Variants in ELMOD2 observed in about 807,000 individuals in gnomAD.
The protein encoded by ELMOD2 is ELMO domain-containing protein 2.
A neutral mutation model predicts 41.0 loss-of-function variants in ELMOD2; 28 were observed. The observed-to-expected ratio is 0.68, with a 90% CI of 0.51 to 0.94. The LOEUF (loss-of-function observed/expected upper bound fraction) is 0.94. ELMOD2 is among the 40% of genes least tolerant of loss of function. The pLI, the probability that ELMOD2 is intolerant of heterozygous loss-of-function variation, is 0.00. For missense variants in ELMOD2, 333 were observed against 343.1 expected (o/e 0.97, Z 0.23); for synonymous variants, 106 against 107.2 (o/e 0.99, Z 0.07).
chr4:140,549,261 G>A (rs992708632), intron 8 of ELMOD2, among the ~76,000 whole-genome samples: 2 of 151,776 alleles, frequency 1.3e-5, no homozygotes, highest in Non-Finnish European at 2.9e-5. Flanking sequence ...TTTTATTGCT[G>A]AACAATATTC....
At chr4:140,549,081 A>G (rs1269727550) in intron 8 of ELMOD2, among the ~76,000 whole-genome samples, 6 of 151,858 alleles carry the variant, frequency 4.0e-5, no homozygotes, top group Non-Finnish European at 8.8e-5. Context: ...AGGAACCACA[A>G]TTTTTTTGTC....
intron 6 of ELMOD2, among the ~76,000 whole-genome samples, chr4:140,541,695 C>T (rs1735110706): frequency 6.6e-6 from 1 of 152,016 alleles, no homozygotes; most frequent in South Asian, 2.1e-4. Flanking sequence ...TAAGATGGTT[C>T]CTGGATTCCC....
intron 8 of ELMOD2, among the ~76,000 whole-genome samples, chr4:140,547,579 A>G (rs1578777066): frequency 6.6e-6 from 1 of 152,212 alleles, no homozygotes; most frequent in South Asian, 2.1e-4. Flanking sequence ...TTATGTCTCA[A>G]TAACAACTTT....
At chr4:140,526,157 A>AAT (rs1734556055) in intron 2 of ELMOD2, among the ~76,000 whole-genome samples, 3 of 152,210 alleles carry the variant, frequency 2.0e-5, no homozygotes. Context: ...AGAAAATGTA[A>AAT]AAAGTCCCAG....
At chr4:140,526,055 T>C (rs1734552961) in intron 2 of ELMOD2, among the ~76,000 whole-genome samples, 1 of 152,224 alleles carries the variant, frequency 6.6e-6, no homozygotes, top group South Asian at 2.1e-4. Flanking sequence ...CCATAGCCAA[T>C]AGCCACATTA....
At chr4:140,548,333 T>G (rs1409158894) in intron 8 of ELMOD2, among the ~76,000 whole-genome samples, 2 of 152,074 alleles carry the variant, frequency 1.3e-5, no homozygotes. Flanking sequence ...TCCCTAACAG[T>G]GTATGGGGGA....
intron 3 of ELMOD2, among the ~76,000 whole-genome samples, chr4:140,530,991 A>C (rs1356820689): frequency 6.6e-6 from 1 of 152,168 alleles, no homozygotes; most frequent in African/African-American, 2.4e-5. Flanking sequence ...GAAATTAGAG[A>C]TATTACTATG....
At chr4:140,539,206 A>G (rs1735029603) in intron 5 of ELMOD2, among the ~76,000 whole-genome samples, 1 of 152,202 alleles carries the variant, frequency 6.6e-6, no homozygotes, top group Non-Finnish European at 1.5e-5. Context: ...AAAAAATGAA[A>G]GTATTTCTGT....
chr4:140,525,348 T>A, intron 1 of ELMOD2, 72 bp from the exon 2 acceptor site: 1 of 1,418,974 alleles, frequency 7.0e-7, no homozygotes, highest in South Asian at 1.4e-5. Context: ...TTTGATCAGT[T>A]GTATAAACTT....
intron 6 of ELMOD2, 154 bp from the exon 7 acceptor site, chr4:140,542,420 C>T (rs1219893857): frequency 5.5e-6 from 3 of 540,978 alleles, no homozygotes; most frequent in Middle Eastern, 4.9e-4. Flanking sequence ...GATTCAGAAG[C>T]ATTTGTGAAT....
intron 3 of ELMOD2, among the ~76,000 whole-genome samples, chr4:140,533,746 T>C (rs1355889537): frequency 6.6e-6 from 1 of 152,142 alleles, no homozygotes; most frequent in Non-Finnish European, 1.5e-5. Context: ...TAAATAACTT[T>C]TATAACTCAG....
Position 140,543,516 on chromosome 4 carries a change from A to G in ELMOD2, c.666A>G (p.Glu222=). 6.2e-7 allele frequency: 1 copy of G among 1,606,936 alleles called. No individual in the cohort carries two copies. Among genetic ancestry groups the G allele is most frequent in the Non-Finnish European group, 8.5e-7 (1 of 1,177,964 alleles). ...TEMAYSLLKS[E]ALKFHLYNLV... is the part of the protein sequence containing the mutation. Reference sequence around the variant, plus strand: ...TGGCTTATAGCTTACTGAAGAGTGAAGCTTTGAAGTTTCATCTCTATAACC... The same window carrying G: ...TGGCTTATAGCTTACTGAAGAGTGAGGCTTTGAAGTTTCATCTCTATAACC... The change falls in exon 8 of 9, where the codon GAA becomes GAG. Residue 222 remains glutamate, a synonymous_variant. Transcript: ENST00000323570.
intron 5 of ELMOD2, 93 bp from the exon 6 acceptor site, chr4:140,540,075 G>T: frequency 7.0e-7 from 1 of 1,427,716 alleles, no homozygotes. Flanking sequence ...CTTAACCTAT[G>T]GTTTTTCTAC....
chr4:140,542,325 A>T, intron 6 of ELMOD2: 1 of 257,764 alleles, frequency 3.9e-6, no homozygotes, highest in Non-Finnish European at 7.2e-6. Flanking sequence ...GTCTCTTTTT[A>T]TATTATCTAT....
Position 140,550,432 on chromosome 4 carries a change from T to C in ELMOD2, c.*57T>C. On this transcript the variant is annotated 3_prime_UTR_variant, in exon 9 of 9. Transcript: ENST00000323570. ...TTTTGCACATTCAACAGAATTTATA[T>C]GTTGTAATAGGAATTATCTGATCAA... is the stretch of plus-strand genomic sequence containing the variant. 1 of 1,489,284 alleles carries C rather than the reference T, an allele frequency of 6.7e-7. No homozygotes were observed. The highest frequency in any genetic ancestry group is 9.1e-7 in the Non-Finnish European group (1 of 1,103,266). 92.3% of individuals were successfully genotyped at this position (1,489,284 alleles called of 1,614,324 possible).
intron 3 of ELMOD2, among the ~76,000 whole-genome samples, chr4:140,532,881 A>G (rs1378254998): frequency 6.6e-6 from 1 of 152,248 alleles, no homozygotes; most frequent in Non-Finnish European, 1.5e-5. Context: ...GAAATCTACA[A>G]AAACTACTGG....
rs753554163 is a variant in ELMOD2 at position 140,550,248 on chromosome 4, T to C, written c.755T>C (p.Phe252Ser). Residue 252 changes from phenylalanine to serine, a missense_variant, in exon 9 of 9, where the codon TTT (phenylalanine) becomes TCT (serine). Physicochemically the swap from Phe to Ser is radical, Grantham distance 155. Coordinates refer to ENST00000323570, the MANE Select transcript of ELMOD2 (RefSeq NM_153702.4). ...HQFYCYLVYE[F>S]DKFWFEEEPE... Reference sequence around the variant, plus strand: ...ACTGCAGGTTATCTTGTCTATGAATTTGACAAGTTTTGGTTTGAAGAAGAA... The same window carrying C: ...ACTGCAGGTTATCTTGTCTATGAATCTGACAAGTTTTGGTTTGAAGAAGAA... The C allele has an allele frequency of 3.7e-6, 6 of 1,609,958 alleles. No individual in the cohort carries two copies. The highest frequency in any genetic ancestry group is 1.1e-5 in the South Asian group (1 of 90,402).
In ELMOD2 at chr4:140,549,359, G is replaced by A. The variant is rs5862482; in HGVS notation, c.737-871G>A. The stretch of plus-strand genomic sequence containing the variant: ...AATTCACATTTAAGTTTACATATAT[G>A]TGTGTGTGTGTGTGTGTGTATAAAC... On this transcript the variant is annotated intron_variant, in intron 8 of 8. Coordinates refer to ENST00000323570, the MANE Select transcript of ELMOD2 (RefSeq NM_153702.4). Among the ~76,000 whole-genome samples the A allele has an allele frequency of 2.5e-3, 71 of 28,606 alleles. No individual in the cohort carries two copies. In the South Asian group the frequency reaches 0.035, roughly 14 times the overall value. 18.8% of individuals were successfully genotyped at this position (28,606 alleles called of 152,430 possible).
chr4:140,533,289 A>G (rs1382919489), intron 3 of ELMOD2, among the ~76,000 whole-genome samples: 3 of 152,200 alleles, frequency 2.0e-5, no homozygotes, highest in Non-Finnish European at 4.4e-5. Context: ...AAGGACCCCT[A>G]CTACCTGACT....
Sources: allele counts gnomAD v4.1 joint callset (sites outside exome capture counted in the v4.1 genomes callset), GRCh38; gene constraint gnomAD v4.1.1; transcripts MANE v1.5; gene names NCBI Gene and HGNC (gene_info 2026-07-23, HGNC 2026-07-21).